Variants in NPAS2 observed in about 807,000 individuals in gnomAD.
NPAS2 encodes the protein neuronal PAS domain-containing protein 2.
A neutral mutation model predicts 107.5 loss-of-function variants in NPAS2; 23 were observed. The ratio of observed to expected loss-of-function variants is 0.21; its 90% CI spans 0.15 to 0.30. The LOEUF (loss-of-function observed/expected upper bound fraction) is 0.30, where lower values mean the gene tolerates loss of function less well. Ranked by LOEUF, NPAS2 falls within the 10% of genes least tolerant of loss-of-function variation. The pLI is 1.00. For missense variants in NPAS2, 756 were observed against 1,043.3 expected, an observed-to-expected ratio of 0.72 and a Z score of 3.79; for synonymous variants, 403 against 417.5, an observed-to-expected ratio of 0.97 and a Z score of 0.42.
At chr2:100,821,678 A>G (rs1019596464) in intron 1 of NPAS2, among the ~76,000 whole-genome samples, 7 of 152,164 alleles carry the variant, frequency 4.6e-5, no homozygotes, top group Non-Finnish European at 8.8e-5. Flanking sequence ...TGAATTGACC[A>G]ACTAATTATG....
intron 15 of NPAS2, among the ~76,000 whole-genome samples, chr2:100,980,276 G>A (rs561378094): frequency 6.6e-6 from 1 of 152,268 alleles, no homozygotes; most frequent in South Asian, 2.1e-4. Context: ...AAGGGGCAAC[G>A]CTGAGTTTCC....
chr2:100,915,293 C>T (rs1323607213), intron 2 of NPAS2, among the ~76,000 whole-genome samples: 1 of 152,070 alleles, frequency 6.6e-6, no homozygotes, highest in African/African-American at 2.4e-5. Flanking sequence ...TACTGCTTGG[C>T]CCCAGATGAA....
At chr2:100,956,469 G>T (rs932848487) in intron 7 of NPAS2, among the ~76,000 whole-genome samples, 4 of 152,158 alleles carry the variant, frequency 2.6e-5, no homozygotes, top group African/African-American at 9.7e-5. Flanking sequence ...GTGGTATTTT[G>T]TTTTCTGTTG....
intron 2 of NPAS2, among the ~76,000 whole-genome samples, chr2:100,920,894 G>GA (rs1326870148): frequency 8.5e-5 from 13 of 152,352 alleles, no homozygotes; most frequent in Middle Eastern, 3.4e-3. Context: ...ACGACAGTGG[G>GA]AAAGGCCACT....
chr2:100,847,294 C>G (rs1229451613), intron 1 of NPAS2: 2 of 152,204 alleles, frequency 1.3e-5, no homozygotes, highest in African/African-American at 4.8e-5. Context: ...TGGTAAAATA[C>G]TTAATGCCAC....
chr2:100,949,109 A>G lies in NPAS2; in HGVS notation c.485-258A>G, dbSNP rs147202716. ...ACAGCCGGAACTAATCAATGCCAAC[A>G]TTACCAACCACAGACATCTGGGAGC... is the stretch of plus-strand genomic sequence containing the variant. On this transcript the variant is annotated intron_variant, in intron 6 of 20. Transcript: ENST00000335681. 2.6e-3 allele frequency among the ~76,000 whole-genome samples: 401 copies of G among 152,358 alleles called. 2 individuals are homozygous for G. The highest frequency in any genetic ancestry group is 9.2e-3 in the African/African-American group (384 of 41,582).
intron 2 of NPAS2, among the ~76,000 whole-genome samples, chr2:100,911,531 TCTC>T (rs1357240132): frequency 6.6e-6 from 1 of 151,276 alleles, no homozygotes; most frequent in Non-Finnish European, 1.5e-5. Context: ...TTCAAGCAAT[TCTC>T]CTGCCCGGCC....
At chr2:100,876,629 G>T (rs1323388770) in intron 1 of NPAS2, among the ~76,000 whole-genome samples, 7 of 152,142 alleles carry the variant, frequency 4.6e-5, no homozygotes, top group Admixed American at 4.6e-4. Flanking sequence ...CTTAGATGTG[G>T]GCCTGGTGTG....
At chr2:100,850,952 T>TAAA (rs1413895193) in intron 1 of NPAS2, among the ~76,000 whole-genome samples, 2 of 8,828 alleles carry the variant, frequency 2.3e-4, no homozygotes, top group African/African-American at 1.1e-3. Flanking sequence ...AAACTCTGTC[T>TAAA]CAAAAAAAAA....
chr2:100,984,686 C>G (rs1465888110), intron 16 of NPAS2: 2 of 151,480 alleles, frequency 1.3e-5, no homozygotes, highest in Non-Finnish European at 2.9e-5. Flanking sequence ...AAGTCACCAT[C>G]TCCTTAAGCC....
At chr2:100,874,011 G>C (rs1387895824) in intron 1 of NPAS2, among the ~76,000 whole-genome samples, 1 of 150,180 alleles carries the variant, frequency 6.7e-6, no homozygotes, top group Non-Finnish European at 1.5e-5. Context: ...ATGGAGTCTT[G>C]CTCTTGTTGC....
chr2:100,873,351 TAC>T (rs1679744031), intron 1 of NPAS2, among the ~76,000 whole-genome samples: 1 of 128,166 alleles, frequency 7.8e-6, no homozygotes, highest in African/African-American at 2.8e-5. Context: ...CATATATACA[TAC>T]ACACATATGT....
In NPAS2 at chr2:100,867,156, A is replaced by G. The variant is rs72816941; in HGVS notation, c.-22-37577A>G. ...TTTGTTTGTTGCGTGCTTGAAGAGA[A>G]TGTTTATTCTCCCATTATTGGGTAT... is the stretch of plus-strand genomic sequence containing the variant. On this transcript the variant is annotated intron_variant, in intron 1 of 20. Coordinates refer to ENST00000335681, the MANE Select transcript of NPAS2 (RefSeq NM_002518.4). 5.5e-3 allele frequency among the ~76,000 whole-genome samples: 831 copies of G among 152,302 alleles called. 6 individuals carry two copies. The highest frequency in any genetic ancestry group is 9.9e-3 in the Non-Finnish European group (671 of 68,014).
intron 2 of NPAS2, among the ~76,000 whole-genome samples, chr2:100,917,804 A>G (rs1229824377): frequency 6.6e-6 from 1 of 152,200 alleles, no homozygotes; most frequent in South Asian, 2.1e-4. Flanking sequence ...TTGAATTTGT[A>G]TTTGAAAACC....
At chr2:100,894,212 C>A (rs1681260783) in intron 1 of NPAS2, among the ~76,000 whole-genome samples, 1 of 152,232 alleles carries the variant, frequency 6.6e-6, no homozygotes, top group Non-Finnish European at 1.5e-5. Flanking sequence ...ATGTCATTTG[C>A]AGGCTTCACT....
At chr2:100,990,743 G>A in intron 18 of NPAS2, 37 bp from the exon 19 acceptor site, 3 of 1,577,480 alleles carry the variant, frequency 1.9e-6, no homozygotes, top group Non-Finnish European at 2.6e-6. Flanking sequence ...TGGTTCAGGT[G>A]CTGATCAGTT....
intron 1 of NPAS2, among the ~76,000 whole-genome samples, chr2:100,837,501 C>T (rs184772838): frequency 6.0e-4 from 91 of 152,048 alleles, no homozygotes; most frequent in Middle Eastern, 3.4e-3. Flanking sequence ...TTAGTAGAGA[C>T]GAGGTTTCTC....
Position 100,863,178 on chromosome 2 carries a change from C to T in NPAS2, c.-22-41555C>T, listed in dbSNP as rs552566033. On this transcript the variant is annotated intron_variant, in intron 1 of 20. Coordinates refer to ENST00000335681, the MANE Select transcript of NPAS2 (RefSeq NM_002518.4). ...GCTAGAGCAGAAGGGGCTAGTCTAC[C>T]GCTAGTAGCACTTAGCACAATGACC... Among the ~76,000 whole-genome samples the T allele has an allele frequency of 5.3e-5, 8 of 152,282 alleles. No individual in the cohort carries two copies. The South Asian group carries it at 8.3e-4, about 16-fold the overall frequency.
intron 1 of NPAS2, among the ~76,000 whole-genome samples, chr2:100,881,844 G>C (rs1233246519): frequency 2.6e-5 from 4 of 152,234 alleles, no homozygotes; most frequent in Non-Finnish European, 4.4e-5. Flanking sequence ...GCCACGGACA[G>C]TGCTGGTCTC....
Sources: allele counts gnomAD v4.1 joint callset (sites outside exome capture counted in the v4.1 genomes callset), GRCh38; gene constraint gnomAD v4.1.1; transcripts MANE v1.5; gene names NCBI Gene and HGNC (gene_info 2026-07-23, HGNC 2026-07-21).